The following AKT3 variants were observed in gnomAD, a reference collection of about 807,000 sequenced individuals.
The protein encoded by AKT3 is RAC-gamma serine/threonine-protein kinase.
AKT3 carries 15 observed loss-of-function variants against 65.3 expected under a neutral mutation model. The ratio of observed to expected loss-of-function variants is 0.23; its 90% CI spans 0.15 to 0.35. The LOEUF (loss-of-function observed/expected upper bound fraction) is 0.35. Among genes scored for constraint, AKT3 ranks in the 10% least tolerant of loss-of-function variants. The probability of loss-of-function intolerance (pLI) is 1.00; values close to 1 mark genes in which losing one functional copy is unlikely to be tolerated. For synonymous variants in AKT3, 206 were observed against 183.8 expected, an observed-to-expected ratio of 1.12 and a Z score of -0.98; for missense variants, 243 against 576.5, an observed-to-expected ratio of 0.42 and a Z score of 5.92.
In AKT3 at chr1:243,500,222, A is replaced by T; in HGVS notation, c.*5027T>A. 1 of 258,206 alleles carries T rather than the reference A, an allele frequency of 3.9e-6. No homozygotes were observed. Among genetic ancestry groups the T allele is most frequent in the Non-Finnish European group, 7.6e-6 (1 of 132,286 alleles). The allele number at this position is 258,206 out of a possible 1,614,324, so 16.0% of individuals were successfully genotyped here. ...CCTGCCATTCATTTTTCTTTTCATG[A>T]TCTATATATCAATCATCCTTCACCT... On this transcript the variant is annotated 3_prime_UTR_variant, in exon 14 of 14. Transcript: ENST00000673466.
chr1:243,572,806 T>G, intron 9 of AKT3, 120 bp downstream of exon 9: 1 of 1,102,800 alleles, frequency 9.1e-7, no homozygotes, highest in Non-Finnish European at 1.2e-6. Context: ...TTTTTAAACA[T>G]AGTGCTTTTT....
chr1:243,604,485 G>A (rs1186908759), intron 8 of AKT3, among the ~76,000 whole-genome samples: 2 of 152,100 alleles, frequency 1.3e-5, no homozygotes, highest in African/African-American at 2.4e-5. Flanking sequence ...CGGTGGGTGG[G>A]GGAACCTGTC....
intron 2 of AKT3, among the ~76,000 whole-genome samples, chr1:243,817,422 A>C (rs1325375444): frequency 6.6e-6 from 1 of 152,208 alleles, no homozygotes; most frequent in Non-Finnish European, 1.5e-5. Context: ...CTTGTATTTC[A>C]AGACCCTGCT....
At chr1:243,743,687 T>C (rs1688304187) in intron 2 of AKT3, among the ~76,000 whole-genome samples, 1 of 152,194 alleles carries the variant, frequency 6.6e-6, no homozygotes, top group South Asian at 2.1e-4. Context: ...GAAAAAGAGT[T>C]CTACTTCATT....
intron 2 of AKT3, among the ~76,000 whole-genome samples, chr1:243,735,446 CAT>C (rs934152823): frequency 1.3e-5 from 2 of 152,204 alleles, no homozygotes; most frequent in Non-Finnish European, 2.9e-5. Flanking sequence ...TATTTTTCAA[CAT>C]GTTTCTAAAA....
At chr1:243,697,975 A>G (rs1019222627) in intron 2 of AKT3, among the ~76,000 whole-genome samples, 1 of 148,310 alleles carries the variant, frequency 6.7e-6, no homozygotes, top group African/African-American at 2.4e-5. Flanking sequence ...ATTTAAAGAA[A>G]AAAGAAAAAA....
chr1:243,581,016 C>A (rs1675305368), intron 8 of AKT3, among the ~76,000 whole-genome samples: 1 of 152,132 alleles, frequency 6.6e-6, no homozygotes, highest in Admixed American at 6.5e-5. Context: ...CTGCTCCATG[C>A]TCTAGGCATC....
chr1:243,573,168 G>T, intron 8 of AKT3, 120 bp from the exon 9 acceptor site: 16 of 1,151,608 alleles, frequency 1.4e-5, no homozygotes, highest in Non-Finnish European at 1.8e-5. Context: ...ACTCTCAGTG[G>T]ACACTGAGCA....
At chr1:243,748,347 G>A (rs1371459694) in intron 2 of AKT3, among the ~76,000 whole-genome samples, 2 of 58,068 alleles carry the variant, frequency 3.4e-5, no homozygotes, top group African/African-American at 4.5e-5. Flanking sequence ...AAACAAGAAT[G>A]GGACTTAAAA....
intron 2 of AKT3, among the ~76,000 whole-genome samples, chr1:243,832,425 T>C (rs1377377703): frequency 6.6e-6 from 1 of 152,212 alleles, no homozygotes; most frequent in Non-Finnish European, 1.5e-5. Flanking sequence ...TTTGTGTATC[T>C]ATACATTAAA....
chr1:243,810,572 T>C (rs1430629921), intron 2 of AKT3, among the ~76,000 whole-genome samples: 1 of 152,114 alleles, frequency 6.6e-6, no homozygotes, highest in Admixed American at 6.5e-5. Flanking sequence ...ACCAGACGGA[T>C]TCACAGCCGA....
chr1:243,546,336 G>T (rs1672676610), intron 11 of AKT3, among the ~76,000 whole-genome samples: 1 of 152,102 alleles, frequency 6.6e-6, no homozygotes, highest in South Asian at 2.1e-4. Flanking sequence ...AATAGGTAAA[G>T]AAATTTCAGT....
intron 2 of AKT3, among the ~76,000 whole-genome samples, chr1:243,745,534 G>A (rs1688428586): frequency 6.6e-6 from 1 of 152,152 alleles, no homozygotes; most frequent in Non-Finnish European, 1.5e-5. Context: ...GGTAATAGAT[G>A]ATATTAGTCA....
At chr1:243,580,224 G>A (rs1675231965) in intron 8 of AKT3, among the ~76,000 whole-genome samples, 2 of 152,130 alleles carry the variant, frequency 1.3e-5, no homozygotes, top group African/African-American at 4.8e-5. Context: ...CCCACTGACG[G>A]CATCCAGCTG....
intron 10 of AKT3, among the ~76,000 whole-genome samples, chr1:243,561,297 A>G (rs1673757034): frequency 6.6e-6 from 1 of 152,078 alleles, no homozygotes; most frequent in Admixed American, 6.6e-5. Flanking sequence ...TTACTTCCTA[A>G]TTTCTTTTGA....
chr1:243,552,899 G>A lies in AKT3; in HGVS notation c.993C>T (p.Gly331=). 6.2e-7 allele frequency: 1 copy of A among 1,613,818 alleles called. No homozygotes were observed. The highest frequency in any genetic ancestry group is 8.5e-7 in the Non-Finnish European group (1 of 1,179,928). ...TCATTTCATACATGACAACCCCTAGGCCCCACCAGTCTACTGCTCGGCCAT... is the reference window on the plus strand; with the variant it reads ...TCATTTCATACATGACAACCCCTAGACCCCACCAGTCTACTGCTCGGCCAT... ...NDYGRAVDWW[G]LGVVMYEMMC... Residue 331 remains glycine (G), a synonymous_variant, in exon 11 of 14, where the codon GGC becomes GGT. Transcript: ENST00000673466.
At chr1:243,577,620 G>A (rs1038719171) in intron 8 of AKT3, among the ~76,000 whole-genome samples, 50 of 152,160 alleles carry the variant, frequency 3.3e-4, no homozygotes, top group African/African-American at 1.1e-3. Flanking sequence ...ATACCATTCA[G>A]GACATAGGTA....
intron 4 of AKT3, among the ~76,000 whole-genome samples, chr1:243,651,731 C>T (rs577812903): frequency 6.6e-6 from 1 of 152,186 alleles, no homozygotes; most frequent in South Asian, 2.1e-4. Context: ...GCCTTGCATC[C>T]CAGGGATGAA....
rs1021751689 is a variant in AKT3 at position 243,715,606 on chromosome 1, A to G, written c.47-19890T>C. Among the ~76,000 whole-genome samples the G allele has an allele frequency of 8.5e-5, 13 of 152,244 alleles. No homozygotes were observed. The East Asian group carries it at 2.5e-3, about 29-fold the overall frequency. On this transcript the variant is annotated intron_variant, in intron 2 of 13. Coordinates refer to ENST00000673466, the MANE Select transcript of AKT3 (RefSeq NM_005465.7). ...AACAAAAAATGGGATCATTCTCTAC[A>G]AAGTGGAGAGAGATCATTCTTTTTC...
Sources: gnomAD v4.1 joint callset for allele counts (sites outside exome capture counted in the v4.1 genomes callset) on GRCh38, gnomAD v4.1.1 for gene constraint, MANE v1.5 for transcripts, NCBI Gene and HGNC (gene_info 2026-07-23, HGNC 2026-07-21) for gene names.